The following GNB1 variants were observed in gnomAD, a reference collection of about 807,000 sequenced individuals.
GNB1 encodes the protein guanine nucleotide-binding protein G(I)/G(S)/G(T) subunit beta-1.
A neutral mutation model predicts 42.9 loss-of-function variants in GNB1; 2 were observed. That is an observed-to-expected ratio of 0.05 (90% CI 0.02 to 0.15). The LOEUF is 0.15. GNB1 is among the 10% of genes least tolerant of loss of function. The probability of loss-of-function intolerance (pLI) is 1.00; values close to 1 mark genes in which losing one functional copy is unlikely to be tolerated. For synonymous variants in GNB1, 183 were observed against 174.7 expected (o/e 1.05, Z -0.38); for missense variants, 193 against 462.2 (o/e 0.42, Z 5.34).
intron 5 of GNB1, among the ~76,000 whole-genome samples, chr1:1,812,463 G>C (rs4601527): frequency 1.8e-4 from 28 of 151,610 alleles, no homozygotes; most frequent in African/African-American, 6.3e-4. Flanking sequence ...GGACCTTAAA[G>C]AGGCAAACAC....
chr1:1,876,512 A>AGAGAGAGC (rs958427005), intron 1 of GNB1, among the ~76,000 whole-genome samples: 5 of 151,786 alleles, frequency 3.3e-5, no homozygotes, highest in Non-Finnish European at 5.9e-5. Context: ...AGAGAGAGAG[A>AGAGAGAGC]GAGCGAGCGT....
intron 2 of GNB1, among the ~76,000 whole-genome samples, chr1:1,837,732 T>C (rs894625845): frequency 6.6e-6 from 1 of 150,542 alleles, no homozygotes; most frequent in African/African-American, 2.5e-5. Flanking sequence ...CTAAATCTTT[T>C]CCTTTGTATT....
chr1:1,800,767 A>AG (rs1410807986), intron 7 of GNB1, among the ~76,000 whole-genome samples: 3 of 151,880 alleles, frequency 2.0e-5, no homozygotes, highest in Non-Finnish European at 4.4e-5. Context: ...AAAAAAAAAA[A>AG]AAAAGAAAAA....
intron 6 of GNB1, among the ~76,000 whole-genome samples, chr1:1,805,634 G>A (rs976258989): frequency 1.3e-5 from 2 of 151,710 alleles, no homozygotes; most frequent in Admixed American, 1.3e-4. Flanking sequence ...TCTGCCTCCT[G>A]GGCTCAAGCA....
chr1:1,852,123 T>C (rs1648018626), intron 1 of GNB1, among the ~76,000 whole-genome samples: 2 of 148,920 alleles, frequency 1.3e-5, no homozygotes, highest in Admixed American at 6.6e-5. Context: ...TAAAAAGAGA[T>C]GCCAAACGTT....
intron 7 of GNB1, among the ~76,000 whole-genome samples, chr1:1,794,976 C>T (rs919053511): frequency 2.6e-5 from 4 of 152,222 alleles, no homozygotes; most frequent in African/African-American, 9.6e-5. Flanking sequence ...GCGTGAGCCA[C>T]CATGCCTGGC....
chr1:1,869,496 G>T (rs1649130398), intron 1 of GNB1, among the ~76,000 whole-genome samples: 1 of 152,184 alleles, frequency 6.6e-6, no homozygotes, highest in African/African-American at 2.4e-5. Context: ...CAGCAACACA[G>T]GTCCATCAGG....
chr1:1,879,705 A>AG (rs1267835792), intron 1 of GNB1, among the ~76,000 whole-genome samples: 6 of 148,996 alleles, frequency 4.0e-5, no homozygotes, highest in African/African-American at 7.4e-5. Flanking sequence ...ACTCTGTCTC[A>AG]GGGAAAAAAA....
chr1:1,796,786 G>A (rs893553734), intron 7 of GNB1, among the ~76,000 whole-genome samples: 2 of 152,184 alleles, frequency 1.3e-5, no homozygotes, highest in East Asian at 1.9e-4. Context: ...TGGGGACCTC[G>A]CAGTGGTCTG....
chr1:1,817,955 G>T (rs936651943), intron 3 of GNB1, 80 bp from the exon 4 acceptor site: 10 of 1,122,520 alleles, frequency 8.9e-6, no homozygotes, highest in Non-Finnish European at 1.4e-5. Context: ...AAGTTTCAAA[G>T]AGAGCTTTCC....
chr1:1,824,588 T>A (rs1264042153), intron 3 of GNB1, among the ~76,000 whole-genome samples: 2 of 152,084 alleles, frequency 1.3e-5, no homozygotes, highest in African/African-American at 4.8e-5. Context: ...ATTTTTTTTT[T>A]ATTTTTCAGG....
intron 1 of GNB1, among the ~76,000 whole-genome samples, chr1:1,855,817 T>G (rs548074647): frequency 5.3e-5 from 8 of 152,322 alleles, no homozygotes; most frequent in African/African-American, 1.4e-4. Context: ...GGTGTTTGCT[T>G]CTTTGGCTAT....
chr1:1,878,160 G>T (rs1405690176), intron 1 of GNB1, among the ~76,000 whole-genome samples: 1 of 152,194 alleles, frequency 6.6e-6, no homozygotes, highest in Non-Finnish European at 1.5e-5. Context: ...GGACCACGCA[G>T]TAATAGCATA....
intron 5 of GNB1, among the ~76,000 whole-genome samples, chr1:1,807,490 A>AAAAAC (rs1646717062): frequency 1.4e-5 from 2 of 146,230 alleles, no homozygotes; most frequent in African/African-American, 5.1e-5. Flanking sequence ...AAAAAAAAAA[A>AAAAAC]AAACAAACAG....
chr1:1,830,386 C>G (rs898890746), intron 2 of GNB1, among the ~76,000 whole-genome samples: 1 of 151,804 alleles, frequency 6.6e-6, no homozygotes, highest in Non-Finnish European at 1.5e-5. Context: ...TCAGCCTCTC[C>G]GAGTAGCTGG....
intron 1 of GNB1, among the ~76,000 whole-genome samples, chr1:1,861,443 G>A (rs1648621148): frequency 6.6e-6 from 1 of 151,954 alleles, no homozygotes; most frequent in Non-Finnish European, 1.5e-5. Context: ...GCAAGACCCT[G>A]TGTACTGTCT....
chr1:1,832,312 C>G (rs2101069621), intron 2 of GNB1: 1 of 152,360 alleles, frequency 6.6e-6, no homozygotes, highest in East Asian at 1.9e-4. Context: ...TTTCCCTGGC[C>G]TGGGCTCCTC....
intron 3 of GNB1, among the ~76,000 whole-genome samples, chr1:1,823,332 A>AC (rs59110622): frequency 4.6e-5 from 7 of 151,570 alleles, no homozygotes; most frequent in Admixed American, 6.6e-5. Flanking sequence ...AGTGTTCTGA[A>AC]CCCCCCCAAA....
chr1:1,799,595 C>G (rs1305354792), intron 7 of GNB1, among the ~76,000 whole-genome samples: 2 of 152,228 alleles, frequency 1.3e-5, no homozygotes, highest in Non-Finnish European at 2.9e-5. Flanking sequence ...GGGCTCCTAT[C>G]TGTAGGCATT....
Sources: gnomAD v4.1 joint callset for allele counts (sites outside exome capture counted in the v4.1 genomes callset) on GRCh38, gnomAD v4.1.1 for gene constraint, MANE v1.5 for transcripts, NCBI Gene and HGNC (gene_info 2026-07-23, HGNC 2026-07-21) for gene names.